GDPD5: variants seen among roughly 807,000 people sequenced by gnomAD.
GDPD5 encodes glycerophosphodiester phosphodiesterase 2.
A neutral mutation model predicts 75.1 loss-of-function variants in GDPD5; 48 were observed. The observed-to-expected ratio is 0.64, with a 90% CI of 0.51 to 0.81. The LOEUF is 0.81. GDPD5 is among the 40% of genes least tolerant of loss of function. The pLI, the probability that GDPD5 is intolerant of heterozygous loss-of-function variation, is 0.00. For missense variants in GDPD5, 706 were observed against 822.6 expected, an observed-to-expected ratio of 0.86 and a Z score of 1.73; for synonymous variants, 336 against 339.0, an observed-to-expected ratio of 0.99 and a Z score of 0.10.
At chr11:75,491,808 G>A (rs1473929216) in intron 1 of GDPD5, among the ~76,000 whole-genome samples, 1 of 152,190 alleles carries the variant, frequency 6.6e-6, no homozygotes, top group Non-Finnish European at 1.5e-5. Context: ...TTCAGATTTT[G>A]AAATGGAGGT....
In GDPD5 at chr11:75,525,892, C is replaced by T. The variant is rs1350090018; in HGVS notation, c.-827G>A. On this transcript the variant is annotated 5_prime_UTR_variant, in exon 1 of 17. Coordinates refer to ENST00000336898, the MANE Select transcript of GDPD5 (RefSeq NM_030792.8). ...CAGCGCCGCGCCGCTGCCACCTCCG[C>T]TGTCATCCCCGCCACCCACCCCCAC... 1 of 151,624 alleles carries T rather than the reference C, an allele frequency of 6.6e-6. No individual in the cohort carries two copies. The highest frequency in any genetic ancestry group is 1.5e-5 in the Non-Finnish European group (1 of 67,966). 9.4% of individuals were successfully genotyped at this position (151,624 alleles called of 1,614,324 possible).
intron 2 of GDPD5, among the ~76,000 whole-genome samples, chr11:75,479,730 C>A (rs900970398): frequency 6.6e-6 from 1 of 152,104 alleles, no homozygotes; most frequent in African/African-American, 2.4e-5. Context: ...TCCTCTGGCC[C>A]TGGCAACTGC....
intron 2 of GDPD5, among the ~76,000 whole-genome samples, chr11:75,489,719 G>A (rs900595322): frequency 6.6e-6 from 1 of 152,056 alleles, no homozygotes; most frequent in Non-Finnish European, 1.5e-5. Context: ...TTTGTGAAGA[G>A]GTCAGCCTGC....
intron 1 of GDPD5, chr11:75,515,988 T>G (rs1950630696): frequency 6.6e-6 from 1 of 152,192 alleles, no homozygotes; most frequent in South Asian, 2.1e-4. Context: ...CTAAGGACAG[T>G]GTATTCAGTG....
At position 75,449,966 on chromosome 11, in the gene GDPD5, G is replaced by A. The variant is rs1456947218; in HGVS notation, c.393C>T (p.Ile131=). ...HWLHKIGLVV[I]LASTVVAMSA... The stretch of plus-strand genomic sequence containing the variant: ...ACATGGCCACCACCGTGGAAGCCAG[G>A]ATGACCACCAGCCCGATCTGGAGGG... Residue 131 remains isoleucine (I), a synonymous_variant, in exon 7 of 17, where the codon ATC becomes ATT. Coordinates refer to ENST00000336898, the MANE Select transcript of GDPD5 (RefSeq NM_030792.8). The A allele has an allele frequency of 1.1e-5, 17 of 1,613,742 alleles. No homozygotes were observed. The highest frequency in any genetic ancestry group is 1.4e-5 in the Non-Finnish European group (16 of 1,180,020).
rs1950644816 is a variant in GDPD5, at chr11:75,516,646, GT to G, written c.-145+8563del. Among the ~76,000 whole-genome samples the G allele has an allele frequency of 2.6e-5, 4 of 152,340 alleles. No individual in the cohort carries two copies. The South Asian group carries it at 8.3e-4, about 32-fold the overall frequency. On this transcript the variant is annotated intron_variant, in intron 1 of 16. Coordinates refer to ENST00000336898, the MANE Select transcript of GDPD5 (RefSeq NM_030792.8). ...GTGAAGGAAGGGGCAGGAGGCAGGG[GT>G]CAGCTCCCCAGCAAGTGCATGCACC...
intron 2 of GDPD5, among the ~76,000 whole-genome samples, chr11:75,484,778 A>G (rs1283770915): frequency 6.6e-6 from 1 of 152,180 alleles, no homozygotes; most frequent in Non-Finnish European, 1.5e-5. Flanking sequence ...GTACGGTGTG[A>G]GTACTACCAG....
At chr11:75,447,923 G>C (rs1326866742) in intron 9 of GDPD5, among the ~76,000 whole-genome samples, 2 of 152,222 alleles carry the variant, frequency 1.3e-5, no homozygotes, top group Non-Finnish European at 2.9e-5. Flanking sequence ...ATCCCCACTG[G>C]CTGCCTCTGG....
intron 3 of GDPD5, among the ~76,000 whole-genome samples, chr11:75,475,705 C>T (rs1402137734): frequency 2.0e-5 from 3 of 152,186 alleles, no homozygotes; most frequent in African/African-American, 4.8e-5. Flanking sequence ...AGTTTGGGGT[C>T]ACCTGAGGTG....
intron 2 of GDPD5, among the ~76,000 whole-genome samples, chr11:75,483,702 C>T (rs1411416837): frequency 6.6e-6 from 1 of 152,172 alleles, no homozygotes; most frequent in Non-Finnish European, 1.5e-5. Context: ...ATTGAGGCAA[C>T]AACATGAATC....
chr11:75,436,416 T>C (rs1181653267), intron 16 of GDPD5, among the ~76,000 whole-genome samples: 1 of 152,074 alleles, frequency 6.6e-6, no homozygotes, highest in East Asian at 1.9e-4. Flanking sequence ...CCCATCTCAG[T>C]GTATCAGGCG....
At chr11:75,470,143 A>G (rs996409329) in intron 3 of GDPD5, among the ~76,000 whole-genome samples, 1 of 152,230 alleles carries the variant, frequency 6.6e-6, no homozygotes, top group African/African-American at 2.4e-5. Context: ...GTGGAAGGAA[A>G]GGACTTATTG....
intron 1 of GDPD5, among the ~76,000 whole-genome samples, chr11:75,515,156 G>T (rs1950610727): frequency 6.6e-6 from 1 of 152,240 alleles, no homozygotes; most frequent in Non-Finnish European, 1.5e-5. Flanking sequence ...GTGTGAGCTG[G>T]TGGAGATGCC....
At chr11:75,505,739 A>G (rs1347951066) in intron 1 of GDPD5, among the ~76,000 whole-genome samples, 1 of 152,162 alleles carries the variant, frequency 6.6e-6, no homozygotes, top group Non-Finnish European at 1.5e-5. Flanking sequence ...GTTTAATTCA[A>G]ACTTAACCAA....
chr11:75,505,189 AGGAAGG>A (rs1025928672), intron 1 of GDPD5, among the ~76,000 whole-genome samples: 1 of 152,048 alleles, frequency 6.6e-6, no homozygotes, highest in African/African-American at 2.4e-5. Flanking sequence ...AAAGGGTATT[AGGAAGG>A]GGAGTCCAGG....
At chr11:75,491,859 A>G (rs968668605) in intron 1 of GDPD5, among the ~76,000 whole-genome samples, 3 of 152,194 alleles carry the variant, frequency 2.0e-5, no homozygotes, top group Non-Finnish European at 4.4e-5. Flanking sequence ...CAGAGCCAGA[A>G]TTCAAGCTCA....
intron 1 of GDPD5, chr11:75,516,202 C>T (rs537053703): frequency 1.3e-5 from 2 of 152,444 alleles, no homozygotes. Flanking sequence ...AAGTTTATCC[C>T]CTGTGAGGTC....
At chr11:75,480,574 A>G (rs1949889495) in intron 2 of GDPD5, among the ~76,000 whole-genome samples, 1 of 152,166 alleles carries the variant, frequency 6.6e-6, no homozygotes, top group Non-Finnish European at 1.5e-5. Flanking sequence ...TGACTGCACC[A>G]TGTTACATCC....
At chr11:75,440,063 G>A in intron 14 of GDPD5, 102 bp from the exon 15 acceptor site, 8 of 813,004 alleles carry the variant, frequency 9.8e-6, no homozygotes, top group Non-Finnish European at 1.6e-5. Context: ...TGGCCACTGG[G>A]GAAGGGCAAG....
Sources: gnomAD v4.1 joint callset for allele counts (sites outside exome capture counted in the v4.1 genomes callset) on GRCh38, gnomAD v4.1.1 for gene constraint, MANE v1.5 for transcripts, NCBI Gene and HGNC (gene_info 2026-07-23, HGNC 2026-07-21) for gene names.